GPC6: variants seen among roughly 807,000 people sequenced by gnomAD.
GPC6 encodes the protein glypican 6.
Under a neutral mutation model 55.2 loss-of-function variants are expected in GPC6, and 14 were observed. That is an observed-to-expected ratio of 0.25 (90% CI 0.17 to 0.40). GPC6 has a LOEUF of 0.40. GPC6 is among the 10% of genes least tolerant of loss of function. The probability of loss-of-function intolerance (pLI) is 1.00; values close to 1 mark genes in which losing one functional copy is unlikely to be tolerated. For synonymous variants in GPC6, 278 were observed against 259.6 expected, an observed-to-expected ratio of 1.07 and a Z score of -0.68; for missense variants, 641 against 708.5, an observed-to-expected ratio of 0.90 and a Z score of 1.08.
At chr13:93,567,818 A>G (rs1482587859) in intron 2 of GPC6, among the ~76,000 whole-genome samples, 2 of 152,214 alleles carry the variant, frequency 1.3e-5, no homozygotes, top group Non-Finnish European at 2.9e-5. Flanking sequence ...TTATAAGCAC[A>G]GAAATTAGGC....
chr13:93,848,404 G>T (rs1171324844), intron 3 of GPC6, among the ~76,000 whole-genome samples: 1 of 151,836 alleles, frequency 6.6e-6, no homozygotes, highest in African/African-American at 2.4e-5. Context: ...CCGTGCCTTG[G>T]TTTCTGCTGA....
chr13:93,932,878 T>C (rs1007147877), intron 3 of GPC6, among the ~76,000 whole-genome samples: 1 of 151,886 alleles, frequency 6.6e-6, no homozygotes, highest in Admixed American at 6.6e-5. Context: ...ACAAAACAAA[T>C]GTATTTTCTT....
chr13:94,115,609 G>A (rs560860460), intron 4 of GPC6, among the ~76,000 whole-genome samples: 2 of 152,120 alleles, frequency 1.3e-5, no homozygotes, highest in African/African-American at 4.8e-5. Context: ...TAGAAGAGAT[G>A]TGAGGATTTT....
intron 1 of GPC6, chr13:93,395,788 G>A (rs1875828244): frequency 6.6e-6 from 1 of 152,550 alleles, no homozygotes. Flanking sequence ...CTGATGAAGA[G>A]CTTCTGCAGC....
At chr13:93,828,672 C>T (rs1887363843) in intron 2 of GPC6, among the ~76,000 whole-genome samples, 1 of 151,978 alleles carries the variant, frequency 6.6e-6, no homozygotes, top group Non-Finnish European at 1.5e-5. Flanking sequence ...TTTGTAATCC[C>T]ACAGTTTTTG....
At chr13:93,765,309 A>AGATAAGCTGTCTGGAAAGACAACT (rs1287047496) in intron 2 of GPC6, among the ~76,000 whole-genome samples, 3 of 27,520 alleles carry the variant, frequency 1.1e-4, no homozygotes, top group East Asian at 1.0e-3. Context: ...AAGACAACTT[A>AGATAAGCTGTCTGGAAAGACAACT]TTTGGTTTAA....
intron 4 of GPC6, among the ~76,000 whole-genome samples, chr13:94,245,175 C>T (rs1891160490): frequency 6.6e-6 from 1 of 152,108 alleles, no homozygotes. Context: ...CCCACTTCCT[C>T]TTCCCAGCCC....
chr13:93,605,330 C>G (rs1389080982), intron 2 of GPC6, among the ~76,000 whole-genome samples: 1 of 152,148 alleles, frequency 6.6e-6, no homozygotes, highest in Non-Finnish European at 1.5e-5. Context: ...AAAACAATGT[C>G]TTCCAAATAA....
intron 3 of GPC6, among the ~76,000 whole-genome samples, chr13:93,928,359 A>C (rs1877967740): frequency 6.6e-6 from 1 of 152,156 alleles, no homozygotes; most frequent in Non-Finnish European, 1.5e-5. Flanking sequence ...TTTAATGAAA[A>C]TTTATATAAA....
rs550694510 is a variant in GPC6, at chr13:93,766,995, G to A, written c.320-63159G>A. On this transcript the variant is annotated intron_variant, in intron 2 of 8. Coordinates refer to ENST00000377047, the MANE Select transcript of GPC6 (RefSeq NM_005708.5). ...TGCACTTAATTTTTTTTTTTCCCCC[G>A]CGGTGGTGGTGACTCTGGGCTTCTT... Among the ~76,000 whole-genome samples, 10 of 151,032 alleles carry A rather than the reference G, an allele frequency of 6.6e-5. 1 individual carries two copies. Among genetic ancestry groups the A allele is most frequent in the Admixed American group, 1.3e-4 (2 of 15,188 alleles).
rs555645646 is a variant in GPC6, at chr13:93,603,273, C to T, written c.319+57852C>T. ...TCTGCCCACTTCAGCCTCCCAAATA[C>T]TGGGATTGCAGGCATGAGCAACCAC... On this transcript the variant is annotated intron_variant, in intron 2 of 8. Transcript: ENST00000377047. Among the ~76,000 whole-genome samples, 123 of 152,282 alleles carry T rather than the reference C, an allele frequency of 8.1e-4. 1 individual carries two copies. The highest frequency in any genetic ancestry group is 2.7e-3 in the African/African-American group (114 of 41,570).
chr13:93,612,330 T>C (rs1224150687), intron 2 of GPC6, among the ~76,000 whole-genome samples: 1 of 152,074 alleles, frequency 6.6e-6, no homozygotes, highest in African/African-American at 2.4e-5. Context: ...AAACCCTGTC[T>C]CTACTAAAAA....
At chr13:93,766,984 T>G (rs1308127053) in intron 2 of GPC6, among the ~76,000 whole-genome samples, 1 of 152,140 alleles carries the variant, frequency 6.6e-6, no homozygotes, top group Non-Finnish European at 1.5e-5. Flanking sequence ...CTTAATTTTT[T>G]TTTTTCCCCC....
In GPC6 at chr13:93,936,114, G is replaced by A. The variant is rs147218187; in HGVS notation, c.712-91615G>A. Among the ~76,000 whole-genome samples, 1,259 of 152,276 alleles carry A rather than the reference G, an allele frequency of 8.3e-3. 12 individuals are homozygous for A. The highest frequency in any genetic ancestry group is 0.031 in the Middle Eastern group (9 of 294). On this transcript the variant is annotated intron_variant, in intron 3 of 8. Coordinates refer to ENST00000377047, the MANE Select transcript of GPC6 (RefSeq NM_005708.5). ...ATACATAAGAACCAAAACATTGGGCGTCAGTGAGTGTTATATTTGGATTGT... is the reference window on the plus strand; with the variant it reads ...ATACATAAGAACCAAAACATTGGGCATCAGTGAGTGTTATATTTGGATTGT...
Position 94,048,687 on chromosome 13 carries a change from A to G in GPC6, c.877+20793A>G, listed in dbSNP as rs148536703. 2.5e-3 allele frequency among the ~76,000 whole-genome samples: 381 copies of G among 151,958 alleles called. 1 individual carries two copies. Among genetic ancestry groups the G allele is most frequent in the African/African-American group, 8.8e-3 (367 of 41,476 alleles). On this transcript the variant is annotated intron_variant, in intron 4 of 8. Transcript: ENST00000377047. ...AGTAGGGGACAAGAAAAACATTGTC[A>G]TTTTGGTCTGGTCGCAGGAGGCAAT...
intron 4 of GPC6, among the ~76,000 whole-genome samples, chr13:94,211,713 G>T (rs1890084139): frequency 6.6e-6 from 1 of 152,180 alleles, no homozygotes; most frequent in Non-Finnish European, 1.5e-5. Context: ...TGTGGAACCA[G>T]TATTCATCTT....
intron 1 of GPC6, among the ~76,000 whole-genome samples, chr13:93,379,958 CAA>C (rs58011385): frequency 0.26 from 34,203 of 129,158 alleles, 4,001 homozygotes; most frequent in South Asian, 0.31. Flanking sequence ...AATTCTGTCT[CAA>C]AAAAAAAAAA....
rs141964663 is a variant in GPC6, at chr13:94,233,873, A to G, written c.878-52476A>G. Among the ~76,000 whole-genome samples the G allele has an allele frequency of 8.8e-4, 134 of 152,280 alleles. No homozygotes were observed. In the East Asian group the frequency reaches 0.024, roughly 28 times the overall value. On this transcript the variant is annotated intron_variant, in intron 4 of 8. Coordinates refer to ENST00000377047, the MANE Select transcript of GPC6 (RefSeq NM_005708.5). ...ATATGTACAGAAAAAAACATAGCAT[A>G]TATAGGATTTGGTACTATCCACAGT...
intron 3 of GPC6, among the ~76,000 whole-genome samples, chr13:94,027,497 A>G (rs1594677131): frequency 6.6e-6 from 1 of 152,054 alleles, no homozygotes; most frequent in African/African-American, 2.4e-5. Context: ...AACAGTGTCT[A>G]GGCTTTAGGG....
Sources: allele counts gnomAD v4.1 joint callset (sites outside exome capture counted in the v4.1 genomes callset), GRCh38; gene constraint gnomAD v4.1.1; transcripts MANE v1.5; gene names NCBI Gene and HGNC (gene_info 2026-07-23, HGNC 2026-07-21).